Variants in RALGPS1 observed in about 807,000 individuals in gnomAD.
RALGPS1 encodes the protein ras-specific guanine nucleotide-releasing factor RalGPS1.
In RALGPS1, 19 loss-of-function variants were observed where a neutral mutation model predicts 78.8. The observed-to-expected ratio is 0.24, with a 90% CI of 0.17 to 0.35. The LOEUF is 0.35. Ranked by LOEUF, RALGPS1 falls within the 10% of genes least tolerant of loss-of-function variation. RALGPS1 has a pLI of 1.00. For synonymous variants in RALGPS1, 228 were observed against 256.3 expected (o/e 0.89, Z 1.06); for missense variants, 454 against 688.3 (o/e 0.66, Z 3.81).
At chr9:127,106,474 G>A (rs894947297) in intron 8 of RALGPS1, among the ~76,000 whole-genome samples, 7 of 152,174 alleles carry the variant, frequency 4.6e-5, no homozygotes, top group African/African-American at 1.2e-4. Context: ...CATGTTTTTT[G>A]CAGTATTTCG....
rs140617486 is a variant in RALGPS1 at position 127,161,939 on chromosome 9, A to C, written c.611-4130A>C. ...ACAATGAAACCTCCCTGACAACAGC[A>C]TTTTTCTTATGAATCGATAATCTGG... On this transcript the variant is annotated intron_variant, in intron 8 of 18. Coordinates refer to ENST00000259351, the MANE Select transcript of RALGPS1 (RefSeq NM_014636.3). Among the ~76,000 whole-genome samples, 35 of 152,244 alleles carry C rather than the reference A, an allele frequency of 2.3e-4. No individual in the cohort carries two copies. The East Asian group carries it at 6.6e-3, about 29-fold the overall frequency.
intron 7 of RALGPS1, among the ~76,000 whole-genome samples, chr9:127,065,926 A>T (rs919984493): frequency 6.6e-6 from 1 of 152,244 alleles, no homozygotes; most frequent in African/African-American, 2.4e-5. Flanking sequence ...TCTTCTAGTG[A>T]CTTATGCACT....
At chr9:126,920,561 G>A (rs892827763) in intron 1 of RALGPS1, among the ~76,000 whole-genome samples, 3 of 152,194 alleles carry the variant, frequency 2.0e-5, no homozygotes, top group Admixed American at 6.5e-5. Context: ...CAGGCCAAAG[G>A]AGCTGAGTAG....
In RALGPS1 at chr9:127,054,996, T is replaced by TGAGAGAGAGAGAGAGA. The variant is rs10555826; in HGVS notation, c.483+2086_483+2101dup. Among the ~76,000 whole-genome samples, 38 of 139,204 alleles carry TGAGAGAGAGAGAGAGA rather than the reference T, an allele frequency of 2.7e-4. 1 individual carries two copies. The highest frequency in any genetic ancestry group is 2.5e-4 in the South Asian group (1 of 3,966). 91.3% of individuals were successfully genotyped at this position (139,204 alleles called of 152,430 possible). On this transcript the variant is annotated intron_variant, in intron 7 of 18. Coordinates refer to ENST00000259351, the MANE Select transcript of RALGPS1 (RefSeq NM_014636.3). ...CTCTGAAAAAGAGAGAGAGATTGAT[T>TGAGAGAGAGAGAGAGA]GAGAGAGAGAGAGAGAGAGAGAGAG...
At chr9:126,983,094 G>A (rs995902492) in intron 4 of RALGPS1, among the ~76,000 whole-genome samples, 1 of 151,222 alleles carries the variant, frequency 6.6e-6, no homozygotes, top group African/African-American at 2.4e-5. Context: ...CTGATACCAC[G>A]ACCGGCTAAT....
At position 127,034,458 on chromosome 9, in the gene RALGPS1, A is replaced by G; in HGVS notation, c.244A>G (p.Lys82Glu). 5 of 1,614,158 alleles carry G rather than the reference A, an allele frequency of 3.1e-6. No homozygotes were observed. Among genetic ancestry groups the G allele is most frequent in the Non-Finnish European group, 4.2e-6 (5 of 1,179,992 alleles). ...EELASCGWSK[K>E]EKHSLAPNVV... ...ACTAGCCAGCTGTGGATGGAGTAAG[A>G]AGGAGAAACACAGTCTTGCCCCTAA... Residue 82 changes from lysine to glutamate, a missense_variant, in exon 5 of 19, where the codon AAG becomes GAG. Transcript: ENST00000259351.
At chr9:127,034,594 G>A in intron 5 of RALGPS1, 80 bp downstream of exon 5, 1 of 1,288,872 alleles carries the variant, frequency 7.8e-7, no homozygotes, top group Non-Finnish European at 1.1e-6. Context: ...CCCACCCAAA[G>A]CTGTCTCCCA....
At chr9:127,014,217 T>C (rs1038626163) in intron 4 of RALGPS1, among the ~76,000 whole-genome samples, 1 of 152,248 alleles carries the variant, frequency 6.6e-6, no homozygotes, top group Non-Finnish European at 1.5e-5. Flanking sequence ...TGAAGGCTAG[T>C]GGCTCAAATG....
Position 127,166,224 on chromosome 9 carries a change from T to G in RALGPS1, c.748+18T>G. Reference sequence around the variant, plus strand: ...CAGCTATGGTTAGTACCCTTGTTGTTAGAATTGTGAAATCTTACGTCATTG... The same window carrying G: ...CAGCTATGGTTAGTACCCTTGTTGTGAGAATTGTGAAATCTTACGTCATTG... On this transcript the variant is annotated intron_variant, in intron 9 of 18. Coordinates refer to ENST00000259351, the MANE Select transcript of RALGPS1 (RefSeq NM_014636.3). The G allele has an allele frequency of 6.2e-7, 1 of 1,610,666 alleles. No homozygotes were observed. Among genetic ancestry groups the G allele is most frequent in the Non-Finnish European group, 8.5e-7 (1 of 1,179,194 alleles).
chr9:126,951,697 C>G (rs1394815839), intron 1 of RALGPS1, among the ~76,000 whole-genome samples: 2 of 152,132 alleles, frequency 1.3e-5, no homozygotes, highest in Non-Finnish European at 2.9e-5. Context: ...TTATGACAAC[C>G]CCACAGCCAT....
chr9:126,926,829 T>C (rs1241610878), intron 1 of RALGPS1, among the ~76,000 whole-genome samples: 1 of 152,038 alleles, frequency 6.6e-6, no homozygotes, highest in Admixed American at 6.6e-5. Flanking sequence ...AAGAAACTGA[T>C]GTAGAGGCCT....
chr9:126,958,142 A>AATAAATATATATATATATATATATATAT (rs1554765219), intron 1 of RALGPS1, among the ~76,000 whole-genome samples: 9 of 77,082 alleles, frequency 1.2e-4, no homozygotes, highest in African/African-American at 2.8e-4. Flanking sequence ...AAAAAAAAAA[A>AATAAATATATATATATATATATATATAT]ATATATATAT....
At chr9:126,915,318 G>A (rs914562138) in intron 1 of RALGPS1, 5 of 143,696 alleles carry the variant, frequency 3.5e-5, no homozygotes, top group Admixed American at 1.4e-4. Flanking sequence ...CGCGGCTGCA[G>A]GTGCGGGGGG....
At chr9:127,038,148 T>C (rs2047012983) in intron 5 of RALGPS1, among the ~76,000 whole-genome samples, 1 of 152,262 alleles carries the variant, frequency 6.6e-6, no homozygotes, top group Non-Finnish European at 1.5e-5. Flanking sequence ...CTCATGAGCC[T>C]AGTGACTGAA....
chr9:127,032,230 G>A (rs1159310716), intron 4 of RALGPS1, among the ~76,000 whole-genome samples: 1 of 152,232 alleles, frequency 6.6e-6, no homozygotes, highest in Non-Finnish European at 1.5e-5. Context: ...GAGAAGATAA[G>A]CATTGTGCAG....
At chr9:126,966,304 AG>A (rs1253067709) in intron 3 of RALGPS1, among the ~76,000 whole-genome samples, 3 of 152,116 alleles carry the variant, frequency 2.0e-5, no homozygotes, top group African/African-American at 7.2e-5. Flanking sequence ...GGATGGCTTG[AG>A]CCCAGGAGTT....
In RALGPS1 at chr9:127,138,463, G is replaced by C. The variant is rs559454727; in HGVS notation, c.611-27606G>C. ...AGTTTGGATGACAGAGGGCAAATGG[G>C]CTTCACTAACCACAGTGACAGTGCA... On this transcript the variant is annotated intron_variant, in intron 8 of 18. Coordinates refer to ENST00000259351, the MANE Select transcript of RALGPS1 (RefSeq NM_014636.3). 5.9e-5 allele frequency among the ~76,000 whole-genome samples: 9 copies of C among 152,302 alleles called. No individual in the cohort carries two copies. In the East Asian group the frequency reaches 1.7e-3, roughly 29 times the overall value.
intron 10 of RALGPS1, among the ~76,000 whole-genome samples, chr9:127,170,446 A>G (rs1027157943): frequency 1.3e-5 from 2 of 152,248 alleles, no homozygotes; most frequent in African/African-American, 4.8e-5. Context: ...ATAATAAGAA[A>G]TTGTGATCTG....
chr9:127,065,698 G>A (rs977810764), intron 7 of RALGPS1, among the ~76,000 whole-genome samples: 1 of 151,836 alleles, frequency 6.6e-6, no homozygotes, highest in African/African-American at 2.4e-5. Context: ...TTTTCTCTGG[G>A]GACATCTCTT....
Sources: allele counts gnomAD v4.1 joint callset (sites outside exome capture counted in the v4.1 genomes callset), GRCh38; gene constraint gnomAD v4.1.1; transcripts MANE v1.5; gene names NCBI Gene and HGNC (gene_info 2026-07-23, HGNC 2026-07-21).